The following TCF7 variants were observed in gnomAD, a reference collection of about 807,000 sequenced individuals.
TCF7 encodes T-cell-factor-7.
Under a neutral mutation model 46.8 loss-of-function variants are expected in TCF7, and 19 were observed. The observed-to-expected ratio is 0.41, with a 90% CI of 0.28 to 0.60. The LOEUF (loss-of-function observed/expected upper bound fraction) is 0.60. Ranked by LOEUF, TCF7 falls within the 20% of genes least tolerant of loss-of-function variation. TCF7 has a pLI of 0.35. For synonymous variants in TCF7, 245 were observed against 213.4 expected, an observed-to-expected ratio of 1.15 and a Z score of -1.29; for missense variants, 547 against 504.6, an observed-to-expected ratio of 1.08 and a Z score of -0.81.
intron 9 of TCF7, chr5:134,144,703 A>G: frequency 1.1e-6 from 1 of 941,744 alleles, no homozygotes; most frequent in South Asian, 1.4e-5. Flanking sequence ...TAACTGGCTA[A>G]CACTGATGTT....
At chr5:134,115,834 C>G in intron 2 of TCF7, 75 bp from the exon 3 acceptor site, 2 of 1,595,442 alleles carry the variant, frequency 1.3e-6, no homozygotes, top group Non-Finnish European at 1.7e-6. Flanking sequence ...AATTCTTTTT[C>G]TCTCAAGAGC....
intron 9 of TCF7, chr5:134,145,175 C>G (rs1760503280): frequency 3.3e-6 from 2 of 610,678 alleles, no homozygotes; most frequent in Non-Finnish European, 6.2e-6. Flanking sequence ...ACAGACAGCT[C>G]AGCCACCACT....
chr5:134,125,598 A>G (rs966530386), intron 3 of TCF7, among the ~76,000 whole-genome samples: 7 of 152,242 alleles, frequency 4.6e-5, no homozygotes, highest in Non-Finnish European at 8.8e-5. Context: ...TGGTGGTCTC[A>G]GGACCCTTCC....
At chr5:134,135,361 G>A (rs1376873128) in intron 3 of TCF7, among the ~76,000 whole-genome samples, 1 of 152,190 alleles carries the variant, frequency 6.6e-6, no homozygotes, top group African/African-American at 2.4e-5. Context: ...CTGCTGGATT[G>A]AGGACTGGCG....
intron 3 of TCF7, among the ~76,000 whole-genome samples, chr5:134,124,566 C>A (rs1358947058): frequency 1.3e-5 from 2 of 152,138 alleles, no homozygotes; most frequent in African/African-American, 4.8e-5. Context: ...CGGAGCAAGC[C>A]TGGGGACACA....
At chr5:134,123,589 A>G in intron 3 of TCF7, 1 of 424,910 alleles carries the variant, frequency 2.4e-6, no homozygotes, top group Non-Finnish European at 4.8e-6. Context: ...AGAGAGGCAG[A>G]GGCTGGCATG....
chr5:134,143,230 T>C, intron 8 of TCF7, 130 bp downstream of exon 8: 1 of 961,014 alleles, frequency 1.0e-6, no homozygotes, highest in Non-Finnish European at 1.6e-6. Flanking sequence ...GCACGGAGGG[T>C]CCAAGGCCTC....
intron 9 of TCF7, chr5:134,145,880 T>C (rs1443215297): frequency 2.5e-6 from 4 of 1,581,900 alleles, no homozygotes; most frequent in Non-Finnish European, 3.4e-6. Context: ...TTGGTGCAGA[T>C]GTGAGTCCCA....
chr5:134,115,369 C>G lies in TCF7; in HGVS notation c.298C>G (p.Pro100Ala). ...GCAGAGACTCTTCCCGGACAAACTT[C>G]CAGAGCCCCTGGAGGACGGTGAGTT... is the stretch of plus-strand genomic sequence containing the variant. The part of the protein sequence containing the change: ...AAQRLFPDKL[P>A]EPLEDGLKAP... Residue 100 changes from proline to alanine, a missense_variant, in exon 2 of 10, where the codon CCA (proline) becomes GCA (alanine). Physicochemically the swap from Pro to Ala is conservative, Grantham distance 27. Around this residue, in one of 3 missense-constraint regions of TCF7, gnomAD observed 425 missense variants for 349.9 expected, o/e 1.21. Transcript: ENST00000342854. 6.2e-7 allele frequency: 1 copy of G among 1,602,666 alleles called. No homozygotes were observed. Among genetic ancestry groups the G allele is most frequent in the Non-Finnish European group, 8.5e-7 (1 of 1,175,360 alleles).
chr5:134,133,338 A>C (rs771146773), intron 3 of TCF7, among the ~76,000 whole-genome samples: 1 of 152,118 alleles, frequency 6.6e-6, no homozygotes, highest in African/African-American at 2.4e-5. Context: ...TGCCATTGAA[A>C]TGCTCGGGGC....
chr5:134,143,644 A>G lies in TCF7; in HGVS notation c.1075+4A>G. 3 of 1,613,974 alleles carry G rather than the reference A, an allele frequency of 1.9e-6. No individual in the cohort carries two copies. The highest frequency in any genetic ancestry group is 2.5e-6 in the Non-Finnish European group (3 of 1,179,998). On this transcript the variant is annotated splice_donor_region_variant and intron_variant, in intron 9 of 9. Transcript: ENST00000342854. The stretch of plus-strand genomic sequence containing the variant: ...AAGCACCAAGAATCCACCACAGGTG[A>G]GACCTTCTCTCAGCAGCAGTGGAGG...
intron 3 of TCF7, among the ~76,000 whole-genome samples, chr5:134,125,263 G>A (rs538352155): frequency 8.9e-4 from 135 of 152,332 alleles, no homozygotes; most frequent in African/African-American, 3.1e-3. Flanking sequence ...CATCTGAAAC[G>A]CATTACTGAT....
intron 5 of TCF7, chr5:134,140,912 G>A (rs957119588): frequency 1.0e-4 from 39 of 373,980 alleles, no homozygotes; most frequent in African/African-American, 1.1e-4. Context: ...ACTGCAGCTA[G>A]GCTCCTGCTT....
intron 3 of TCF7, among the ~76,000 whole-genome samples, chr5:134,135,101 GCAC>G (rs1758670719): frequency 6.6e-6 from 1 of 152,156 alleles, no homozygotes; most frequent in South Asian, 2.1e-4. Context: ...CTACAGGCAT[GCAC>G]CACCATGCCC....
rs754845897 is a variant in TCF7 at position 134,146,558 on chromosome 5, C to G, written c.*255C>G. ...CACCTGGCCGCCTCCAGGAGCCTAC[C>G]CCCTGAAAGTGACAGAGACCCAGAT... On this transcript the variant is annotated 3_prime_UTR_variant, in exon 10 of 10. Transcript: ENST00000342854. 1 of 707,976 alleles carries G rather than the reference C, an allele frequency of 1.4e-6. No homozygotes were observed. Among genetic ancestry groups the G allele is most frequent in the Admixed American group, 2.2e-5 (1 of 45,332 alleles). 43.9% of individuals were successfully genotyped at this position (707,976 alleles called of 1,614,324 possible). A position where few individuals can be genotyped will look rare whatever the true frequency, so the allele number is the denominator to read the frequency against.
intron 3 of TCF7, among the ~76,000 whole-genome samples, chr5:134,136,327 T>C (rs1417666650): frequency 2.6e-5 from 4 of 152,152 alleles, no homozygotes; most frequent in African/African-American, 7.2e-5. Context: ...GCCTCTCTTC[T>C]TCCTTGCTAG....
intron 2 of TCF7, 167 bp downstream of exon 2, chr5:134,115,554 G>C: frequency 3.5e-6 from 5 of 1,441,306 alleles, no homozygotes; most frequent in Non-Finnish European, 4.6e-6. Context: ...GGCGCCGCCG[G>C]GTCGAGTCAC....
chr5:134,129,105 G>A (rs1757745089), intron 3 of TCF7, among the ~76,000 whole-genome samples: 1 of 152,240 alleles, frequency 6.6e-6, no homozygotes, highest in African/African-American at 2.4e-5. Flanking sequence ...CTTGCTGTGA[G>A]ACCTCGGGCA....
At chr5:134,113,585 G>A (rs921310796), upstream of TCF7, among the ~76,000 whole-genome samples, 1 of 152,248 alleles carries the variant, frequency 6.6e-6, no homozygotes, top group Non-Finnish European at 1.5e-5. Context: ...CGTCTACAGT[G>A]AACCCAGCAC....
Sources: allele counts gnomAD v4.1 joint callset (sites outside exome capture counted in the v4.1 genomes callset), GRCh38; gene constraint gnomAD v4.1.1; regional missense constraint gnomAD v4.1.1; transcripts MANE v1.5; gene names NCBI Gene and HGNC (gene_info 2026-07-23, HGNC 2026-07-21).